The following PDGFC variants were observed in gnomAD, a reference collection of about 807,000 sequenced individuals.
PDGFC encodes the protein platelet derived growth factor C.
A neutral mutation model predicts 35.5 loss-of-function variants in PDGFC; 12 were observed. The ratio of observed to expected loss-of-function variants is 0.34; its 90% CI spans 0.22 to 0.55. PDGFC has a LOEUF of 0.55. Among genes scored for constraint, PDGFC ranks in the 20% least tolerant of loss-of-function variants. The pLI is 0.91. For synonymous variants in PDGFC, 159 were observed against 148.8 expected, an observed-to-expected ratio of 1.07 and a Z score of -0.50; for missense variants, 322 against 412.4, an observed-to-expected ratio of 0.78 and a Z score of 1.90.
At chr4:156,800,802 A>G (rs1731583562) in intron 3 of PDGFC, among the ~76,000 whole-genome samples, 1 of 152,228 alleles carries the variant, frequency 6.6e-6, no homozygotes, top group South Asian at 2.1e-4. Flanking sequence ...CTCTGATTTA[A>G]TCAACCCTCA....
At chr4:156,939,885 C>T (rs1280554603) in intron 1 of PDGFC, among the ~76,000 whole-genome samples, 1 of 152,060 alleles carries the variant, frequency 6.6e-6, no homozygotes, top group African/African-American at 2.4e-5. Context: ...ATAAAGTTAA[C>T]AGAAGCTTAC....
chr4:156,779,352 A>T (rs1300249862), intron 3 of PDGFC, among the ~76,000 whole-genome samples: 1 of 152,222 alleles, frequency 6.6e-6, no homozygotes, highest in African/African-American at 2.4e-5. Flanking sequence ...AGTAATGCAG[A>T]TTATATATTT....
intron 2 of PDGFC, among the ~76,000 whole-genome samples, chr4:156,826,174 A>ATATTTTTTTTT (rs1553967848): frequency 4.6e-5 from 2 of 43,788 alleles, no homozygotes; most frequent in East Asian, 6.2e-4. Context: ...TTTGAGTTGG[A>ATATTTTTTTTT]TTTTTTTTTT....
intron 1 of PDGFC, among the ~76,000 whole-genome samples, chr4:156,912,382 G>T (rs895465705): frequency 1.3e-5 from 2 of 152,040 alleles, no homozygotes; most frequent in Non-Finnish European, 2.9e-5. Context: ...ATGCTCAAAT[G>T]CACAAATGCT....
intron 2 of PDGFC, among the ~76,000 whole-genome samples, chr4:156,815,497 A>G (rs1732062605): frequency 6.6e-6 from 1 of 152,178 alleles, no homozygotes. Context: ...TTTCTGACAC[A>G]ACACCATTTG....
Position 156,964,517 on chromosome 4 carries a change from G to A in PDGFC, c.118+6269C>T, listed in dbSNP as rs540408200. 6.6e-5 allele frequency among the ~76,000 whole-genome samples: 10 copies of A among 150,800 alleles called. No homozygotes were observed. In the South Asian group the frequency reaches 1.7e-3, roughly 25 times the overall value. ...ATATACCATTCCATTTGACTAATGT[G>A]ATTATTATGAGATTGTTTCCCTTAC... On this transcript the variant is annotated intron_variant, in intron 1 of 5. Transcript: ENST00000502773.
At chr4:156,844,237 T>C (rs1729271798) in intron 2 of PDGFC, among the ~76,000 whole-genome samples, 1 of 152,224 alleles carries the variant, frequency 6.6e-6, no homozygotes, top group Non-Finnish European at 1.5e-5. Flanking sequence ...TTCTCAGTTA[T>C]ATTATTTGGC....
intron 1 of PDGFC, chr4:156,876,752 C>CT (rs1204075307): frequency 6.6e-6 from 1 of 152,226 alleles, no homozygotes; most frequent in African/African-American, 2.4e-5. Context: ...AATCTTAAAA[C>CT]TGTATGTTAT....
At chr4:156,853,983 T>C (rs1729515509) in intron 1 of PDGFC, among the ~76,000 whole-genome samples, 1 of 151,942 alleles carries the variant, frequency 6.6e-6, no homozygotes, top group East Asian at 1.9e-4. Context: ...AAGCAAAACA[T>C]TAAAAAGAAA....
intron 4 of PDGFC, among the ~76,000 whole-genome samples, chr4:156,769,656 T>C (rs557374882): frequency 6.6e-6 from 1 of 152,120 alleles, no homozygotes; most frequent in African/African-American, 2.4e-5. Flanking sequence ...AGCTTTTAAA[T>C]ATTTAAAGCA....
In PDGFC at chr4:156,961,832, G is replaced by T. The variant is rs1451399910; in HGVS notation, c.118+8954C>A. On this transcript the variant is annotated intron_variant, in intron 1 of 5. Coordinates refer to ENST00000502773, the MANE Select transcript of PDGFC (RefSeq NM_016205.3). The stretch of plus-strand genomic sequence containing the variant: ...TCATTCTGCACGCCATCCGTTTTGT[G>T]AATGAAGTGTGAAAATAGCTCTTTG... Among the ~76,000 whole-genome samples the T allele has an allele frequency of 3.3e-5, 5 of 152,236 alleles. No individual in the cohort carries two copies. In the East Asian group the frequency reaches 9.7e-4, roughly 30 times the overall value.
At chr4:156,814,676 T>C (rs1427263894) in intron 2 of PDGFC, among the ~76,000 whole-genome samples, 2 of 152,186 alleles carry the variant, frequency 1.3e-5, no homozygotes, top group African/African-American at 4.8e-5. Flanking sequence ...GCTACTTTAC[T>C]ATATATTATT....
intron 3 of PDGFC, among the ~76,000 whole-genome samples, chr4:156,779,944 T>C (rs961052209): frequency 6.6e-6 from 1 of 152,168 alleles, no homozygotes; most frequent in Non-Finnish European, 1.5e-5. Context: ...AGGCTCATTG[T>C]TGGCTGGTGA....
chr4:156,811,631 C>T (rs1731934400), intron 2 of PDGFC, among the ~76,000 whole-genome samples: 1 of 152,080 alleles, frequency 6.6e-6, no homozygotes, highest in Non-Finnish European at 1.5e-5. Flanking sequence ...TCTTCTTAGG[C>T]TGTTAATCCT....
intron 3 of PDGFC, among the ~76,000 whole-genome samples, chr4:156,796,541 T>C (rs1389191082): frequency 6.7e-6 from 1 of 148,676 alleles, no homozygotes; most frequent in African/African-American, 2.5e-5. Flanking sequence ...TTTACAATTA[T>C]CTCAAAATAA....
intron 3 of PDGFC, among the ~76,000 whole-genome samples, chr4:156,779,680 A>C (rs895166485): frequency 3.3e-5 from 5 of 152,200 alleles, no homozygotes; most frequent in Admixed American, 6.5e-5. Context: ...TCTTAAATAA[A>C]AGTAATGTTT....
intron 1 of PDGFC, among the ~76,000 whole-genome samples, chr4:156,931,198 C>T (rs982233646): frequency 2.6e-4 from 39 of 152,260 alleles, no homozygotes; most frequent in Admixed American, 1.5e-3. Context: ...AACATGAATT[C>T]TTTTGTATTA....
intron 1 of PDGFC, among the ~76,000 whole-genome samples, chr4:156,898,547 T>A (rs957171276): frequency 3.3e-5 from 5 of 152,238 alleles, no homozygotes; most frequent in Non-Finnish European, 7.4e-5. Context: ...AACTTGTGTT[T>A]GCTCTGTCAT....
rs948681293 is a variant in PDGFC at position 156,761,596 on chromosome 4, G to A, written c.*1494C>T. The A allele has an allele frequency of 2.0e-5, 3 of 152,326 alleles. No homozygotes were observed. Among genetic ancestry groups the A allele is most frequent in the Admixed American group, 2.0e-4 (3 of 15,252 alleles). The allele number at this position is 152,326 out of a possible 1,614,324, so 9.4% of individuals were successfully genotyped here. A position where few individuals can be genotyped will look rare whatever the true frequency, so the allele number is the denominator to read the frequency against. ...TCTCAGAGTCCAAGAAATAAATCTT[G>A]AGCACACACACACATAATTTTCTCC... On this transcript the variant is annotated 3_prime_UTR_variant, in exon 6 of 6. Coordinates refer to ENST00000502773, the MANE Select transcript of PDGFC (RefSeq NM_016205.3).
Sources: gnomAD v4.1 joint callset for allele counts (sites outside exome capture counted in the v4.1 genomes callset) on GRCh38, gnomAD v4.1.1 for gene constraint, MANE v1.5 for transcripts, NCBI Gene and HGNC (gene_info 2026-07-23, HGNC 2026-07-21) for gene names.